Variants in KCNH2 observed in about 807,000 individuals in gnomAD.
The protein encoded by KCNH2 is voltage-gated inwardly rectifying potassium channel KCNH2.
In KCNH2, 35 loss-of-function variants were observed where a neutral mutation model predicts 95.9. The observed-to-expected ratio is 0.37, with a 90% CI of 0.28 to 0.48. The LOEUF (loss-of-function observed/expected upper bound fraction) is 0.48. KCNH2 is among the 20% of genes least tolerant of loss of function. The pLI is 0.99. For missense variants in KCNH2, 1,274 were observed against 1,702.9 expected (o/e 0.75, Z 4.43); for synonymous variants, 786 against 754.7 (o/e 1.04, Z -0.68).
intron 1 of KCNH2, among the ~76,000 whole-genome samples, chr7:150,975,927 C>T (rs958549997): frequency 2.6e-5 from 4 of 152,210 alleles, no homozygotes; most frequent in African/African-American, 4.8e-5. Context: ...AGGCCTTCCT[C>T]AGTTTGGCCT....
chr7:150,947,270 G>T (rs779713717), intron 13 of KCNH2, 58 bp downstream of exon 13: 16 of 1,414,116 alleles, frequency 1.1e-5, no homozygotes, highest in Admixed American at 2.1e-5. Flanking sequence ...AGACAACACC[G>T]CCAGGACCTG....
Position 150,958,268 on chromosome 7 carries a change from C to T in KCNH2, c.707G>A (p.Gly236Asp), listed in dbSNP as rs199472870. 6.9e-7 allele frequency: 1 copy of T among 1,447,448 alleles called. No homozygotes were observed. The allele number at this position is 1,447,448 out of a possible 1,614,324, so 89.7% of individuals were successfully genotyped here. The change falls in exon 4 of 15, where the codon GGT becomes GAT. Residue 236 changes from glycine to aspartate, a missense_variant. Around this residue, in one of 7 missense-constraint regions of KCNH2, gnomAD observed 392 missense variants for 429.9 expected, o/e 0.91. Coordinates refer to ENST00000262186, the MANE Select transcript of KCNH2 (RefSeq NM_000238.4). ...CGCGCTGCGGGGCGGAGAGCCGGGA[C>T]CCACCAGCGCACGCCGCTCCTCCGC... ...GPAEERRALV[G>D]PGSPPRSAPG...
Position 150,958,168 on chromosome 7 carries a change from C to T in KCNH2, c.807G>A (p.Arg269=). 7.4e-7 allele frequency: 1 copy of T among 1,344,840 alleles called. No individual in the cohort carries two copies. Among genetic ancestry groups the T allele is most frequent in the Non-Finnish European group, 9.5e-7 (1 of 1,050,134 alleles). The allele number at this position is 1,344,840 out of a possible 1,614,324, so 83.3% of individuals were successfully genotyped here. The change falls in exon 4 of 15, where the codon CGG becomes CGA. Residue 269 remains arginine (R), a synonymous_variant. Transcript: ENST00000262186. ...TGGCGCAGCTTTCTCGGGAGCGCGT[C>T]CGGGCCAGGCTGCAGCTGGAGCCCG... ...DASGSSCSLA[R]TRSRESCASV... is the part of the protein sequence containing the mutation.
At chr7:150,976,226 A>G (rs3807370) in intron 1 of KCNH2, among the ~76,000 whole-genome samples, 111,537 of 151,998 alleles carry the variant, frequency 0.73, 42,252 homozygotes, top group African/African-American at 0.91. Context: ...CTACGTGCAA[A>G]GCTGGGCTGC....
At chr7:150,966,814 A>G (rs1801719407) in intron 2 of KCNH2, among the ~76,000 whole-genome samples, 1 of 152,220 alleles carries the variant, frequency 6.6e-6, no homozygotes, top group Non-Finnish European at 1.5e-5. Flanking sequence ...TAAACTAGCA[A>G]GAAATACAGA....
chr7:150,974,611 G>GGC, intron 2 of KCNH2, 100 bp downstream of exon 2: 2 of 795,738 alleles, frequency 2.5e-6, no homozygotes, highest in East Asian at 3.7e-5. Flanking sequence ...TTCTCCAGCC[G>GGC]CCCCCACACC....
At chr7:150,949,482 T>A in intron 9 of KCNH2, 6 of 751,078 alleles carry the variant, frequency 8.0e-6, no homozygotes, top group Non-Finnish European at 9.9e-6. Flanking sequence ...AGAACAGAAA[T>A]GCTAGAATGA....
At chr7:150,969,696 A>G (rs886344168) in intron 2 of KCNH2, among the ~76,000 whole-genome samples, 3 of 152,184 alleles carry the variant, frequency 2.0e-5, no homozygotes, top group Non-Finnish European at 4.4e-5. Context: ...ACAACAGAGA[A>G]CAAAGCAGAT....
At chr7:150,948,568 C>A (rs779702835) in intron 10 of KCNH2, 25 bp from the exon 11 acceptor site, 2 of 1,591,990 alleles carry the variant, frequency 1.3e-6, no homozygotes, top group Admixed American at 1.7e-5. Flanking sequence ...AGTATCAGGG[C>A]CCTTTCAGTG....
chr7:150,967,012 G>A (rs1801723366), intron 2 of KCNH2, among the ~76,000 whole-genome samples: 1 of 152,156 alleles, frequency 6.6e-6, no homozygotes, highest in Non-Finnish European at 1.5e-5. Context: ...AGGCGCGGTG[G>A]CTCATGTCTG....
In KCNH2 at chr7:150,952,347, C is replaced by A. The variant is rs1005795859; in HGVS notation, c.1557+78G>T. On this transcript the variant is annotated intron_variant, in intron 6 of 14. Coordinates refer to ENST00000262186, the MANE Select transcript of KCNH2 (RefSeq NM_000238.4). This position sits in a 1 kb window ranked among gnomAD's most constrained non-coding sequence, Gnocchi z 7.3. The stretch of plus-strand genomic sequence containing the variant: ...CTCTTTTTCTCTGTCCTCCTCGCCA[C>A]CCCCTCCACCCCACTACCTCCCACC... 1.2e-5 allele frequency: 17 copies of A among 1,388,618 alleles called. No homozygotes were observed. Among genetic ancestry groups the A allele is most frequent in the African/African-American group, 1.4e-5 (1 of 69,918 alleles). The allele number at this position is 1,388,618 out of a possible 1,614,324, so 86.0% of individuals were successfully genotyped here. A position where few individuals can be genotyped will look rare whatever the true frequency, so the allele number is the denominator to read the frequency against.
intron 5 of KCNH2, among the ~76,000 whole-genome samples, 181 bp from the exon 6 acceptor site, chr7:150,953,034 T>C (rs371384868): frequency 1.7e-4 from 26 of 152,212 alleles, no homozygotes; most frequent in African/African-American, 6.0e-4. Context: ...TTGGGCATCA[T>C]GGTTCCCAAA....
At chr7:150,949,651 G>A in intron 9 of KCNH2, 2 of 1,128,946 alleles carry the variant, frequency 1.8e-6, no homozygotes, top group South Asian at 4.4e-5. Context: ...GAGGCACACA[G>A]GGCCGAGGGA....
At chr7:150,947,083 G>T (rs772040715) in intron 13 of KCNH2, 29 bp from the exon 14 acceptor site, 2 of 1,334,008 alleles carry the variant, frequency 1.5e-6, no homozygotes, top group Non-Finnish European at 2.0e-6. Context: ...GATGCTCAGA[G>T]AAGTGGGGAC....
intron 1 of KCNH2, among the ~76,000 whole-genome samples, chr7:150,975,433 C>G (rs1403706931): frequency 2.0e-5 from 3 of 151,858 alleles, no homozygotes; most frequent in Non-Finnish European, 4.4e-5. Flanking sequence ...TATCCTGAGG[C>G]TCCCTAGGAA....
chr7:150,974,977 G>GC, intron 1 of KCNH2, 36 bp from the exon 2 acceptor site: 1 of 1,531,328 alleles, frequency 6.5e-7, no homozygotes, highest in African/African-American at 1.4e-5. Flanking sequence ...CGTGAGCGGG[G>GC]ACCCCAGCCT....
At position 150,970,387 on chromosome 7, in the gene KCNH2, C is replaced by T. The variant is rs1313276956; in HGVS notation, c.307+4324G>A. On this transcript the variant is annotated intron_variant, in intron 2 of 14. Coordinates refer to ENST00000262186, the MANE Select transcript of KCNH2 (RefSeq NM_000238.4). ...CGCAAATATTTACATAGCTCCTCTCCGGGGGCTGCAGAAGACGCAACACGG... is the reference window on the plus strand; with the variant it reads ...CGCAAATATTTACATAGCTCCTCTCTGGGGGCTGCAGAAGACGCAACACGG... Among the ~76,000 whole-genome samples the T allele has an allele frequency of 2.6e-5, 4 of 152,132 alleles. No individual in the cohort carries two copies. The East Asian group carries it at 5.8e-4, about 22-fold the overall frequency.
At chr7:150,955,776 C>A in intron 5 of KCNH2, 4 of 1,208,252 alleles carry the variant, frequency 3.3e-6, no homozygotes, top group Non-Finnish European at 4.1e-6. Flanking sequence ...GTGCTCTGCC[C>A]GCCCGCCAGC....
intron 2 of KCNH2, 47 bp downstream of exon 2, chr7:150,974,664 C>CTGG: frequency 6.7e-7 from 1 of 1,482,842 alleles, no homozygotes; most frequent in Non-Finnish European, 9.2e-7. Flanking sequence ...GGTCCCGCCC[C>CTGG]TCTTGACCCC....
Sources: allele counts gnomAD v4.1 joint callset (sites outside exome capture counted in the v4.1 genomes callset), GRCh38; gene constraint gnomAD v4.1.1; regional missense constraint gnomAD v4.1.1; non-coding constraint Gnocchi (gnomAD v3.1); transcripts MANE v1.5; gene names NCBI Gene and HGNC (gene_info 2026-07-23, HGNC 2026-07-21).